Variants in KANSL1 observed in about 807,000 individuals in gnomAD.
KANSL1 encodes the protein MLL1/MLL complex subunit KANSL1.
KANSL1 carries 22 observed loss-of-function variants against 103.6 expected under a neutral mutation model. The ratio of observed to expected loss-of-function variants is 0.21; its 90% CI spans 0.15 to 0.30. The LOEUF is 0.30. Among genes scored for constraint, KANSL1 ranks in the 10% least tolerant of loss-of-function variants. The pLI is 1.00. For synonymous variants in KANSL1, 600 were observed against 527.6 expected (o/e 1.14, Z -1.88); for missense variants, 1,337 against 1,399.8 (o/e 0.96, Z 0.72).
intron 2 of KANSL1, among the ~76,000 whole-genome samples, chr17:46,118,724 A>G (rs1396218147): frequency 6.6e-6 from 1 of 152,226 alleles, no homozygotes. Flanking sequence ...ACAATATTGG[A>G]GATTCCATTA....
intron 2 of KANSL1, among the ~76,000 whole-genome samples, chr17:46,167,559 T>C (rs1332123285): frequency 6.6e-6 from 1 of 152,354 alleles, no homozygotes; most frequent in South Asian, 2.1e-4. Context: ...AGCAGTTATA[T>C]TTCCACTGTA....
At chr17:46,075,790 A>G (rs2078744825) in intron 4 of KANSL1, among the ~76,000 whole-genome samples, 1 of 152,052 alleles carries the variant, frequency 6.6e-6, no homozygotes, top group Admixed American at 6.5e-5. Flanking sequence ...AATATCCAAC[A>G]CTCCATCACA....
chr17:46,172,870 T>G (rs62060895), intron 1 of KANSL1, among the ~76,000 whole-genome samples: 17,138 of 150,166 alleles, frequency 0.11, no homozygotes, highest in Non-Finnish European at 0.17. Context: ...GCCTAGGAAT[T>G]TACTCAAGTA....
At chr17:46,099,890 A>C (rs1412852127) in intron 2 of KANSL1, among the ~76,000 whole-genome samples, 2 of 152,268 alleles carry the variant, frequency 1.3e-5, no homozygotes, top group Admixed American at 1.3e-4. Context: ...AAATTCATTA[A>C]AATGTTACAT....
chr17:46,076,863 A>G (rs937816131), intron 4 of KANSL1, among the ~76,000 whole-genome samples: 6 of 152,150 alleles, frequency 3.9e-5, no homozygotes, highest in African/African-American at 1.4e-4. Context: ...TAAAAATAGA[A>G]TTGACTTTTA....
At chr17:46,173,916 A>C (rs1012236510) in intron 1 of KANSL1, among the ~76,000 whole-genome samples, 1 of 152,242 alleles carries the variant, frequency 6.6e-6, no homozygotes, top group South Asian at 2.1e-4. Flanking sequence ...AGCACAGTAC[A>C]ACTGAGTTGC....
chr17:46,108,673 G>A (rs1332544758), intron 2 of KANSL1, among the ~76,000 whole-genome samples: 10 of 152,210 alleles, frequency 6.6e-5, no homozygotes, highest in Admixed American at 5.9e-4. Flanking sequence ...GAAGCAGGAA[G>A]AGAGAGGGAA....
At chr17:46,044,476 A>G (rs887022277) in intron 7 of KANSL1, 1 of 152,170 alleles carries the variant, frequency 6.6e-6, no homozygotes, top group African/African-American at 2.4e-5. Flanking sequence ...CTGTAGCCTC[A>G]TGTGCAGGGT....
chr17:46,176,691 TAAAAAAA>T (rs56676109), intron 1 of KANSL1, among the ~76,000 whole-genome samples: 12 of 141,666 alleles, frequency 8.5e-5, no homozygotes, highest in Admixed American at 1.4e-4. Flanking sequence ...GACTCCATCT[TAAAAAAA>T]AAAAAAAAAA....
chr17:46,039,431 A>G (rs1277173557), intron 8 of KANSL1: 2 of 604,218 alleles, frequency 3.3e-6, no homozygotes, highest in Non-Finnish European at 2.8e-6. Context: ...TACAGAAGAC[A>G]CCTGCCCGTA....
In KANSL1 at chr17:46,193,002, C is replaced by CGG. The variant is rs1004260635; in HGVS notation, c.-271_-270dup. ...CCCGGAGCCGCCCTGACTTTCCGGG[C>CGG]GGGGGGGCGAGGCAGAGGGGGAGGG... On this transcript the variant is annotated 5_prime_UTR_variant, in exon 1 of 15. Transcript: ENST00000432791. 2 of 151,714 alleles carry CGG rather than the reference C, an allele frequency of 1.3e-5. No homozygotes were observed. Among genetic ancestry groups the CGG allele is most frequent in the Non-Finnish European group, 2.9e-5 (2 of 68,036 alleles). 9.4% of individuals were successfully genotyped at this position (151,714 alleles called of 1,614,324 possible). A position where few individuals can be genotyped will look rare whatever the true frequency, so the allele number is the denominator to read the frequency against.
intron 4 of KANSL1, among the ~76,000 whole-genome samples, chr17:46,080,961 A>C (rs2078968730): frequency 2.0e-5 from 3 of 152,206 alleles, no homozygotes; most frequent in African/African-American, 7.2e-5. Context: ...AGAATCTTAC[A>C]ATTTAATACA....
At chr17:46,053,716 G>A (rs1442132066) in intron 6 of KANSL1, among the ~76,000 whole-genome samples, 2 of 152,126 alleles carry the variant, frequency 1.3e-5, no homozygotes, top group East Asian at 1.9e-4. Context: ...TTATAGGCAT[G>A]AGCCACCGCA....
intron 2 of KANSL1, among the ~76,000 whole-genome samples, chr17:46,123,270 A>G (rs1461222694): frequency 6.6e-6 from 1 of 152,216 alleles, no homozygotes; most frequent in Non-Finnish European, 1.5e-5. Context: ...CCAGCTACTC[A>G]GGAGGCTGAG....
intron 2 of KANSL1, among the ~76,000 whole-genome samples, chr17:46,107,252 G>A (rs189435246): frequency 6.0e-4 from 92 of 152,316 alleles, no homozygotes; most frequent in African/African-American, 1.4e-3. Context: ...CAGAGGAAAC[G>A]TTATTGCCCC....
At chr17:46,198,315 C>T (rs187373571), upstream of KANSL1, among the ~76,000 whole-genome samples, 2 of 151,050 alleles carry the variant, frequency 1.3e-5, no homozygotes, top group East Asian at 3.9e-4. Context: ...CTATTTTCCA[C>T]AGTTCTAAAC....
chr17:46,081,314 CTA>C (rs750628029), intron 4 of KANSL1, among the ~76,000 whole-genome samples: 1 of 152,170 alleles, frequency 6.6e-6, no homozygotes. Flanking sequence ...ACCAATGTAT[CTA>C]TGTTTCCTTT....
intron 6 of KANSL1, among the ~76,000 whole-genome samples, chr17:46,052,177 C>A (rs574500385): frequency 6.6e-6 from 1 of 152,010 alleles, no homozygotes; most frequent in African/African-American, 2.4e-5. Flanking sequence ...TGGTTAGGAT[C>A]CAAAAATTAC....
intron 6 of KANSL1, among the ~76,000 whole-genome samples, chr17:46,062,264 A>G (rs944698293): frequency 3.3e-5 from 5 of 151,168 alleles, no homozygotes; most frequent in African/African-American, 7.3e-5. Context: ...TTACTGATAG[A>G]TCTCATTTCT....
Sources: gnomAD v4.1 joint callset for allele counts (sites outside exome capture counted in the v4.1 genomes callset) on GRCh38, gnomAD v4.1.1 for gene constraint, MANE v1.5 for transcripts, NCBI Gene and HGNC (gene_info 2026-07-23, HGNC 2026-07-21) for gene names.